Variants in SLC35F1 observed in about 807,000 individuals in gnomAD.
The protein encoded by SLC35F1 is solute carrier family 35 member F1.
In SLC35F1, 14 loss-of-function variants were observed where a neutral mutation model predicts 48.7. The ratio of observed to expected loss-of-function variants is 0.29; its 90% CI spans 0.19 to 0.45. The LOEUF (loss-of-function observed/expected upper bound fraction) is 0.45. Ranked by LOEUF, SLC35F1 falls within the 20% of genes least tolerant of loss-of-function variation. The pLI is 1.00. For synonymous variants in SLC35F1, 190 were observed against 202.2 expected, an observed-to-expected ratio of 0.94 and a Z score of 0.51; for missense variants, 404 against 500.0, an observed-to-expected ratio of 0.81 and a Z score of 1.83.
At chr6:118,026,075 C>T (rs1180927057) in intron 1 of SLC35F1, among the ~76,000 whole-genome samples, 1 of 152,100 alleles carries the variant, frequency 6.6e-6, no homozygotes, top group African/African-American at 2.4e-5. Context: ...AGCCTCCAAG[C>T]TAGTAGGTTA....
intron 1 of SLC35F1, among the ~76,000 whole-genome samples, chr6:118,026,786 A>C (rs1771954915): frequency 6.6e-6 from 1 of 152,222 alleles, no homozygotes; most frequent in Admixed American, 6.5e-5. Context: ...GGTTTTTAAA[A>C]AGAAGCCTTG....
chr6:117,955,983 C>T (rs1225447311), intron 1 of SLC35F1, among the ~76,000 whole-genome samples: 1 of 152,182 alleles, frequency 6.6e-6, no homozygotes, highest in Admixed American at 6.5e-5. Flanking sequence ...AGAGAAACAG[C>T]ATGAGGGATC....
At chr6:118,009,390 C>G (rs1311782078) in intron 1 of SLC35F1, among the ~76,000 whole-genome samples, 1 of 152,200 alleles carries the variant, frequency 6.6e-6, no homozygotes, top group Non-Finnish European at 1.5e-5. Context: ...GGCAATGTCA[C>G]ATTGCTCAGT....
At chr6:117,933,556 C>T (rs1383530937) in intron 1 of SLC35F1, among the ~76,000 whole-genome samples, 1 of 152,148 alleles carries the variant, frequency 6.6e-6, no homozygotes, top group African/African-American at 2.4e-5. Flanking sequence ...GTTAGAACTG[C>T]CCTCTGGGCA....
intron 2 of SLC35F1, among the ~76,000 whole-genome samples, chr6:118,224,105 A>C (rs539992778): frequency 2.0e-5 from 3 of 152,260 alleles, no homozygotes; most frequent in Admixed American, 6.5e-5. Context: ...GGACAAATAC[A>C]TTTTCCCCTC....
chr6:118,254,967 G>A (rs1775623966), intron 3 of SLC35F1, among the ~76,000 whole-genome samples: 1 of 152,110 alleles, frequency 6.6e-6, no homozygotes. Context: ...TTTATTTAAT[G>A]TAAAAAATGC....
At chr6:118,275,174 A>T (rs750871244) in intron 4 of SLC35F1, among the ~76,000 whole-genome samples, 20 of 152,128 alleles carry the variant, frequency 1.3e-4, no homozygotes, top group Non-Finnish European at 2.5e-4. Context: ...TGAAAATCTG[A>T]TACCTGGACA....
intron 1 of SLC35F1, among the ~76,000 whole-genome samples, chr6:118,054,133 T>C (rs550270600): frequency 6.6e-6 from 1 of 152,336 alleles, no homozygotes; most frequent in East Asian, 1.9e-4. Context: ...GGAGTCTTGA[T>C]TTACATTAAT....
intron 2 of SLC35F1, among the ~76,000 whole-genome samples, chr6:118,163,411 A>G (rs1415583004): frequency 9.1e-6 from 1 of 109,944 alleles, no homozygotes; most frequent in East Asian, 2.6e-4. Context: ...CTTATACACA[A>G]ACACACTCAC....
chr6:118,084,156 G>A (rs1772951271), intron 1 of SLC35F1, among the ~76,000 whole-genome samples: 1 of 152,094 alleles, frequency 6.6e-6, no homozygotes. Flanking sequence ...GCCCAGTCTG[G>A]CTCCAAAGCC....
At chr6:117,920,229 C>T (rs887768613) in intron 1 of SLC35F1, among the ~76,000 whole-genome samples, 3 of 152,166 alleles carry the variant, frequency 2.0e-5, no homozygotes, top group Non-Finnish European at 4.4e-5. Context: ...CGTGCGCGAG[C>T]CTCGGGGCTT....
intron 2 of SLC35F1, among the ~76,000 whole-genome samples, chr6:118,171,819 G>T (rs1375461048): frequency 1.3e-5 from 2 of 151,946 alleles, no homozygotes; most frequent in African/African-American, 4.8e-5. Flanking sequence ...GTAAGAGTGT[G>T]TCCCAGTGGA....
chr6:117,958,308 C>G (rs909800185), intron 1 of SLC35F1, among the ~76,000 whole-genome samples: 3 of 151,974 alleles, frequency 2.0e-5, no homozygotes, highest in Non-Finnish European at 4.4e-5. Context: ...ATATAATAAG[C>G]TAATGTCCAT....
intron 1 of SLC35F1, chr6:117,999,273 C>T: frequency 7.5e-6 from 12 of 1,595,916 alleles, no homozygotes; most frequent in Non-Finnish European, 8.5e-6. Flanking sequence ...GCCTACGTTG[C>T]CCACCCCAAG....
intron 1 of SLC35F1, among the ~76,000 whole-genome samples, chr6:118,122,228 C>CT (rs1050960720): frequency 2.0e-5 from 3 of 149,370 alleles, no homozygotes; most frequent in Admixed American, 1.3e-4. Flanking sequence ...TTTTTTTCTC[C>CT]TTTTTTTGTT....
chr6:117,969,969 G>C (rs1033814850), intron 1 of SLC35F1, among the ~76,000 whole-genome samples: 1 of 152,188 alleles, frequency 6.6e-6, no homozygotes, highest in African/African-American at 2.4e-5. Flanking sequence ...TATTCTAACA[G>C]TTGTATGGAT....
chr6:118,295,944 G>A (rs959232589), intron 7 of SLC35F1, among the ~76,000 whole-genome samples: 4 of 152,206 alleles, frequency 2.6e-5, no homozygotes, highest in African/African-American at 9.7e-5. Flanking sequence ...ACTGTTAAGA[G>A]TACAGCCCCT....
chr6:117,965,682 C>T (rs1776553224), intron 1 of SLC35F1, among the ~76,000 whole-genome samples: 1 of 152,198 alleles, frequency 6.6e-6, no homozygotes, highest in Non-Finnish European at 1.5e-5. Context: ...TAACATAGTA[C>T]CACAGACTGG....
intron 1 of SLC35F1, among the ~76,000 whole-genome samples, chr6:118,133,654 AT>A (rs1192380533): frequency 6.6e-6 from 1 of 152,120 alleles, no homozygotes; most frequent in Non-Finnish European, 1.5e-5. Flanking sequence ...ATAGTTTTGA[AT>A]TTTTTTCTCT....
Sources: gnomAD v4.1 joint callset for allele counts (sites outside exome capture counted in the v4.1 genomes callset) on GRCh38, gnomAD v4.1.1 for gene constraint, MANE v1.5 for transcripts, NCBI Gene and HGNC (gene_info 2026-07-23, HGNC 2026-07-21) for gene names.